The following NALCN variants were observed in gnomAD, a reference collection of about 807,000 sequenced individuals.
NALCN encodes sodium leak channel, non-selective.
A neutral mutation model predicts 225.3 loss-of-function variants in NALCN; 111 were observed. The ratio of observed to expected loss-of-function variants is 0.49; its 90% confidence interval spans 0.42 to 0.58. NALCN has a LOEUF of 0.58. Ranked by LOEUF, NALCN falls within the 20% of genes least tolerant of loss-of-function variation. NALCN has a pLI of 0.00. For synonymous variants in NALCN, 764 were observed against 769.0 expected, an observed-to-expected ratio of 0.99 and a Z score of 0.11; for missense variants, 1,378 against 2,202.4, an observed-to-expected ratio of 0.63 and a Z score of 7.49.
At position 101,092,329 on chromosome 13, in the gene NALCN, T is replaced by C. The variant is rs2034276942; in HGVS notation, c.3270-2363A>G. Among the ~76,000 whole-genome samples the C allele has an allele frequency of 1.3e-5, 2 of 152,110 alleles. 1 individual carries two copies. Among genetic ancestry groups the C allele is most frequent in the Admixed American group, 1.3e-4 (2 of 15,264 alleles). The stretch of plus-strand genomic sequence containing the variant: ...ACGTGACTGAGCGTCTGCCCTTGGA[T>C]GTGGAAATGCAGAAAAAGACTTTGT... On this transcript the variant is annotated intron_variant, in intron 28 of 43. Transcript: ENST00000251127.
chr13:101,142,619 G>A (rs1192500639), intron 17 of NALCN: 1 of 157,370 alleles, frequency 6.4e-6, no homozygotes, highest in African/African-American at 2.4e-5. Context: ...ACATGAATAA[G>A]CTCTTGCACC....
At chr13:101,127,396 T>C (rs933321956) in intron 17 of NALCN, among the ~76,000 whole-genome samples, 2 of 152,184 alleles carry the variant, frequency 1.3e-5, no homozygotes, top group African/African-American at 4.8e-5. Flanking sequence ...TCTCACTCTG[T>C]TGCCCAGGTT....
chr13:101,216,504 TTTA>T (rs147008751), intron 13 of NALCN, among the ~76,000 whole-genome samples: 25,614 of 151,958 alleles, frequency 0.17, 2,514 homozygotes, highest in East Asian at 0.37. Flanking sequence ...AGGAGTATGT[TTTA>T]TTATTATTCA....
chr13:101,220,910 C>T (rs760806524), intron 13 of NALCN, among the ~76,000 whole-genome samples: 2 of 151,740 alleles, frequency 1.3e-5, no homozygotes, highest in East Asian at 3.9e-4. Flanking sequence ...TTATTTAATA[C>T]ACAAAATGCA....
Position 101,284,037 on chromosome 13 carries a change from G to A in NALCN, c.1048-18C>T. On this transcript the variant is annotated intron_variant, in intron 9 of 43. Transcript: ENST00000251127. ...TGAAACATCTTCAAGACAAAGAAGG[G>A]AGATGAGTCAGAGACATTTAATATG... 4 of 1,608,002 alleles carry A rather than the reference G, an allele frequency of 2.5e-6. No homozygotes were observed. The highest frequency in any genetic ancestry group is 3.4e-6 in the Non-Finnish European group (4 of 1,175,754).
At chr13:101,186,393 C>T (rs181186438) in intron 14 of NALCN, among the ~76,000 whole-genome samples, 4 of 152,250 alleles carry the variant, frequency 2.6e-5, no homozygotes, top group South Asian at 2.1e-4. Flanking sequence ...AGTACCTGCA[C>T]GTGGTAGTAG....
chr13:101,210,615 T>C (rs1356556145), intron 13 of NALCN, among the ~76,000 whole-genome samples: 1 of 152,226 alleles, frequency 6.6e-6, no homozygotes, highest in Non-Finnish European at 1.5e-5. Context: ...TTTAAAGTTT[T>C]AAACTTTCTA....
At chr13:101,158,720 C>A (rs1032421734) in intron 15 of NALCN, among the ~76,000 whole-genome samples, 6 of 152,178 alleles carry the variant, frequency 3.9e-5, no homozygotes, top group African/African-American at 1.4e-4. Flanking sequence ...TTCCAAGCTT[C>A]CAGATAGAAG....
At chr13:101,107,867 A>T (rs2035220733) in intron 20 of NALCN, 78 bp from the exon 21 acceptor site, 1 of 970,692 alleles carries the variant, frequency 1.0e-6, no homozygotes, top group African/African-American at 1.6e-5. Flanking sequence ...AAAAAACTTA[A>T]AACTAATATC....
At chr13:101,269,251 G>T (rs940728899) in intron 10 of NALCN, among the ~76,000 whole-genome samples, 2 of 148,346 alleles carry the variant, frequency 1.3e-5, no homozygotes, top group African/African-American at 2.5e-5. Context: ...TTTTAGCCTG[G>T]TGTTCCTAAG....
At chr13:101,396,136 C>A (rs1252072765) in intron 2 of NALCN, among the ~76,000 whole-genome samples, 2 of 152,022 alleles carry the variant, frequency 1.3e-5, no homozygotes, top group Non-Finnish European at 2.9e-5. Flanking sequence ...TGTCTGCTGT[C>A]TGAAGATTTT....
chr13:101,311,394 T>C (rs2044340335), intron 7 of NALCN, among the ~76,000 whole-genome samples: 1 of 151,276 alleles, frequency 6.6e-6, no homozygotes, highest in African/African-American at 2.5e-5. Flanking sequence ...CTTCCAACAT[T>C]ATGTTGAATA....
At chr13:101,248,555 G>T (rs1352472984) in intron 11 of NALCN, among the ~76,000 whole-genome samples, 1 of 152,144 alleles carries the variant, frequency 6.6e-6, no homozygotes, top group African/African-American at 2.4e-5. Context: ...TGCATGGCCA[G>T]TGATTCCAGC....
intron 7 of NALCN, among the ~76,000 whole-genome samples, chr13:101,310,457 G>C (rs1023629755): frequency 1.3e-5 from 2 of 152,064 alleles, no homozygotes; most frequent in Non-Finnish European, 2.9e-5. Flanking sequence ...CTTCCCCAGA[G>C]AGCCATGTGA....
chr13:101,131,187 A>G (rs1309902454), intron 17 of NALCN, among the ~76,000 whole-genome samples: 1 of 151,814 alleles, frequency 6.6e-6, no homozygotes, highest in East Asian at 1.9e-4. Flanking sequence ...ACTTTTATTT[A>G]TGTTGCTATT....
chr13:101,056,181 G>A (rs1486232940), intron 43 of NALCN, among the ~76,000 whole-genome samples: 3 of 148,020 alleles, frequency 2.0e-5, no homozygotes, highest in Non-Finnish European at 4.5e-5. Flanking sequence ...CTGACCCCAA[G>A]AGCATGTCTA....
Position 101,082,792 on chromosome 13 carries a change from C to A in NALCN, c.3765+17G>T. On this transcript the variant is annotated intron_variant, in intron 33 of 43. Transcript: ENST00000251127. ...TGTGCACAGATTCCCCCAGAGCTAG[C>A]TGACTCATTACAGTACCTCCAGAAC... 6.2e-7 allele frequency: 1 copy of A among 1,613,716 alleles called. No individual in the cohort carries two copies. Among genetic ancestry groups the A allele is most frequent in the South Asian group, 1.1e-5 (1 of 91,080 alleles).
In NALCN at chr13:101,075,898, C is replaced by T. The variant is rs1397730637; in HGVS notation, c.3929G>A (p.Arg1310Lys). 3.1e-6 allele frequency: 5 copies of T among 1,609,584 alleles called. No individual in the cohort carries two copies. The highest frequency in any genetic ancestry group is 4.5e-5 in the East Asian group (2 of 44,544). Residue 1310 changes from arginine to lysine, a missense_variant, in exon 35 of 44, where the codon AGG becomes AAG. By Grantham distance (26) the Arg-to-Lys change is conservative. Coordinates refer to ENST00000251127, the MANE Select transcript of NALCN (RefSeq NM_052867.4). Reference protein sequence around the residue: ...YMMGACVIVFRFFSICGKHVT... With the variant: ...YMMGACVIVFKFFSICGKHVT... ...ATGTTTTCCACAGATGGAGAAAAAC[C>T]TAAATACAATCACACAAGCGCCCAT...
intron 13 of NALCN, among the ~76,000 whole-genome samples, chr13:101,197,785 A>G (rs2039950002): frequency 6.6e-6 from 1 of 152,226 alleles, no homozygotes; most frequent in African/African-American, 2.4e-5. Context: ...AAGAAAAATC[A>G]GATTGCCAAC....
Sources: gnomAD v4.1 joint callset for allele counts (sites outside exome capture counted in the v4.1 genomes callset) on GRCh38, gnomAD v4.1.1 for gene constraint, MANE v1.5 for transcripts, NCBI Gene and HGNC (gene_info 2026-07-23, HGNC 2026-07-21) for gene names.